The following LRMDA variants were observed in gnomAD, a reference collection of about 807,000 sequenced individuals.
The protein encoded by LRMDA is leucine rich melanocyte differentiation associated.
A neutral mutation model predicts 29.8 loss-of-function variants in LRMDA; 18 were observed. The observed-to-expected ratio is 0.60, with a 90% CI of 0.42 to 0.90. The LOEUF (loss-of-function observed/expected upper bound fraction) is 0.90. Ranked by LOEUF, LRMDA falls within the 40% of genes least tolerant of loss-of-function variation. The pLI is 0.00. For missense variants in LRMDA, 273 were observed against 273.9 expected, an observed-to-expected ratio of 1.00 and a Z score of 0.02; for synonymous variants, 125 against 109.4, an observed-to-expected ratio of 1.14 and a Z score of -0.89.
At chr10:76,362,042 A>G (rs1430129809) in intron 6 of LRMDA, among the ~76,000 whole-genome samples, 1 of 152,172 alleles carries the variant, frequency 6.6e-6, no homozygotes. Flanking sequence ...GAAGGGAAGG[A>G]CTCACGAGTT....
At chr10:76,019,269 C>A (rs1424497502) in intron 2 of LRMDA, among the ~76,000 whole-genome samples, 1 of 152,180 alleles carries the variant, frequency 6.6e-6, no homozygotes. Flanking sequence ...TGTTGTATTG[C>A]AGCATTTCTA....
intron 6 of LRMDA, among the ~76,000 whole-genome samples, chr10:76,495,061 C>A (rs1488590756): frequency 1.3e-5 from 2 of 151,776 alleles, no homozygotes; most frequent in African/African-American, 4.8e-5. Flanking sequence ...TTTTTGCTAT[C>A]AACTCTAAGA....
intron 2 of LRMDA, among the ~76,000 whole-genome samples, chr10:75,448,106 A>G (rs1455402949): frequency 6.6e-6 from 1 of 152,156 alleles, no homozygotes; most frequent in Non-Finnish European, 1.5e-5. Flanking sequence ...GGGCCACAGG[A>G]CTTCCCTGAG....
chr10:75,891,736 T>A (rs1845496066), intron 2 of LRMDA, among the ~76,000 whole-genome samples: 1 of 152,122 alleles, frequency 6.6e-6, no homozygotes, highest in Non-Finnish European at 1.5e-5. Flanking sequence ...ATTCTGGATG[T>A]TTTAGAAGAA....
Position 76,354,601 on chromosome 10 carries a change from T to C in LRMDA, c.601+30116T>C, listed in dbSNP as rs572906220. ...TCTGCTTCCTAACTAGTACTTTATG[T>C]TAAAGGCCCATGGCCCTGATTTAGG... On this transcript the variant is annotated intron_variant, in intron 6 of 6. Coordinates refer to ENST00000611255, the MANE Select transcript of LRMDA (RefSeq NM_001305581.2). 2.9e-4 allele frequency among the ~76,000 whole-genome samples: 44 copies of C among 152,268 alleles called. No individual in the cohort carries two copies. The South Asian group carries it at 8.7e-3, about 30-fold the overall frequency.
chr10:76,174,121 C>T (rs1032905255), intron 5 of LRMDA, among the ~76,000 whole-genome samples: 28 of 152,136 alleles, frequency 1.8e-4, no homozygotes, highest in African/African-American at 6.5e-4. Context: ...GAGAAACATA[C>T]ACTTTCCGTT....
chr10:76,388,701 G>A (rs1188682028), intron 6 of LRMDA, among the ~76,000 whole-genome samples: 1 of 152,234 alleles, frequency 6.6e-6, no homozygotes, highest in Non-Finnish European at 1.5e-5. Context: ...CTGGTGGGAG[G>A]ATAGTCATGT....
intron 6 of LRMDA, among the ~76,000 whole-genome samples, chr10:76,332,311 C>G (rs1840914176): frequency 6.6e-6 from 1 of 152,184 alleles, no homozygotes; most frequent in Admixed American, 6.5e-5. Context: ...TAAGCAACCT[C>G]CTTTAAACAT....
chr10:76,422,952 A>G (rs1008196386), intron 6 of LRMDA, among the ~76,000 whole-genome samples: 4 of 152,230 alleles, frequency 2.6e-5, no homozygotes, highest in Non-Finnish European at 4.4e-5. Context: ...TAACTGTACA[A>G]CTCAATCCTG....
chr10:76,289,573 C>T (rs1840313573), intron 5 of LRMDA, among the ~76,000 whole-genome samples: 1 of 152,240 alleles, frequency 6.6e-6, no homozygotes, highest in South Asian at 2.1e-4. Flanking sequence ...ATTGTCTAAT[C>T]TCCCTATTAC....
chr10:75,842,671 C>T (rs1844561409), intron 2 of LRMDA, among the ~76,000 whole-genome samples: 1 of 152,168 alleles, frequency 6.6e-6, no homozygotes, highest in South Asian at 2.1e-4. Context: ...CAGATGGGAG[C>T]GTGTTTGTAT....
intron 6 of LRMDA, among the ~76,000 whole-genome samples, chr10:76,515,606 A>G (rs566974368): frequency 6.6e-6 from 1 of 152,224 alleles, no homozygotes; most frequent in South Asian, 2.1e-4. Flanking sequence ...CTCAGGCTCA[A>G]GCAATCCTCC....
intron 5 of LRMDA, among the ~76,000 whole-genome samples, chr10:76,229,314 T>C (rs1852017573): frequency 6.6e-6 from 1 of 152,216 alleles, no homozygotes; most frequent in Non-Finnish European, 1.5e-5. Context: ...GAAGCTTATA[T>C]GCCCTTCTCC....
intron 2 of LRMDA, among the ~76,000 whole-genome samples, chr10:75,552,018 GGGCAACAGAGTTAGACACTGCCTA>G (rs61206966): frequency 0.028 from 4,272 of 152,196 alleles, 224 homozygotes; most frequent in African/African-American, 0.097. Flanking sequence ...ACTCCAGCCT[GGGCAACAGAGTTAGACACTGCCTA>G]GGCAACAGAG....
intron 6 of LRMDA, among the ~76,000 whole-genome samples, chr10:76,355,762 G>A (rs1056125538): frequency 3.3e-5 from 5 of 152,170 alleles, no homozygotes; most frequent in Non-Finnish European, 5.9e-5. Flanking sequence ...CATGCATGCC[G>A]ATTGTGAAAG....
rs187799129 is a variant in LRMDA, at chr10:75,877,050, T to C, written c.132-158958T>C. On this transcript the variant is annotated intron_variant, in intron 2 of 6. Coordinates refer to ENST00000611255, the MANE Select transcript of LRMDA (RefSeq NM_001305581.2). ...TAGGAGGGGCAGGGATTGTTGTCTG[T>C]ATATGGCTCAGGAAACCAGAGACTT... 4.3e-3 allele frequency among the ~76,000 whole-genome samples: 662 copies of C among 152,314 alleles called. 3 individuals are homozygous for C. The highest frequency in any genetic ancestry group is 7.7e-3 in the Non-Finnish European group (524 of 68,026).
At chr10:75,882,741 C>T (rs1183569855) in intron 2 of LRMDA, 1 of 152,210 alleles carries the variant, frequency 6.6e-6, no homozygotes, top group Non-Finnish European at 1.5e-5. Flanking sequence ...CGTGTTTGGC[C>T]ACCTGATGCC....
chr10:75,941,700 T>G (rs1398561303), intron 2 of LRMDA, among the ~76,000 whole-genome samples: 3 of 152,102 alleles, frequency 2.0e-5, no homozygotes, highest in Admixed American at 1.3e-4. Context: ...TCTGGTAGCT[T>G]CAGGAAGCCC....
intron 5 of LRMDA, among the ~76,000 whole-genome samples, chr10:76,153,254 C>G (rs1850479996): frequency 6.6e-6 from 1 of 152,132 alleles, no homozygotes; most frequent in Non-Finnish European, 1.5e-5. Flanking sequence ...AATATTTTCA[C>G]CCATTCTATA....
Sources: allele counts gnomAD v4.1 joint callset (sites outside exome capture counted in the v4.1 genomes callset), GRCh38; gene constraint gnomAD v4.1.1; transcripts MANE v1.5; gene names NCBI Gene and HGNC (gene_info 2026-07-23, HGNC 2026-07-21).